Variants in RTN4IP1 observed in about 807,000 individuals in gnomAD.
RTN4IP1 encodes the protein NAD(P)H oxidoreductase RTN4IP1, mitochondrial.
In RTN4IP1, 32 loss-of-function variants were observed where a neutral mutation model predicts 46.6. The ratio of observed to expected loss-of-function variants is 0.69; its 90% CI spans 0.52 to 0.92. The LOEUF (loss-of-function observed/expected upper bound fraction) is 0.92. Ranked by LOEUF, RTN4IP1 falls within the 40% of genes least tolerant of loss-of-function variation. RTN4IP1 has a pLI of 0.00. For missense variants in RTN4IP1, 424 were observed against 485.8 expected (o/e 0.87, Z 1.20); for synonymous variants, 167 against 161.8 (o/e 1.03, Z -0.24).
chr6:106,626,666 C>T (rs1241326947), intron 1 of RTN4IP1, among the ~76,000 whole-genome samples: 1 of 152,152 alleles, frequency 6.6e-6, no homozygotes, highest in Non-Finnish European at 1.5e-5. Context: ...GCCCCTGAAC[C>T]CAGAATGTAG....
At chr6:106,599,502 C>T (rs72945026) in intron 5 of RTN4IP1, among the ~76,000 whole-genome samples, 10,931 of 150,966 alleles carry the variant, frequency 0.072, 599 homozygotes, top group East Asian at 0.2. Flanking sequence ...CCTTAAACAC[C>T]ACTGCTTAGT....
At chr6:106,627,103 T>C (rs548109796) in intron 1 of RTN4IP1, among the ~76,000 whole-genome samples, 1 of 149,684 alleles carries the variant, frequency 6.7e-6, no homozygotes, top group African/African-American at 2.5e-5. Flanking sequence ...GTTTCAGATA[T>C]CTTCTGCAAT....
At chr6:106,575,493 C>T (rs1412764624) in intron 8 of RTN4IP1, among the ~76,000 whole-genome samples, 1 of 151,836 alleles carries the variant, frequency 6.6e-6, no homozygotes, top group Non-Finnish European at 1.5e-5. Flanking sequence ...TTACAAGACG[C>T]TAGGCAAGTC....
intron 5 of RTN4IP1, among the ~76,000 whole-genome samples, chr6:106,592,652 G>A (rs542178836): frequency 1.2e-4 from 18 of 152,262 alleles, no homozygotes; most frequent in African/African-American, 3.9e-4. Context: ...TGCCAAGTGC[G>A]GTGGCTCACG....
chr6:106,621,355 C>A, intron 3 of RTN4IP1, 70 bp downstream of exon 3: 1 of 1,137,104 alleles, frequency 8.8e-7, no homozygotes, highest in South Asian at 1.2e-5. Context: ...TGAAAAACAC[C>A]AGTTATTTCA....
At chr6:106,605,814 CCCA>C (rs1562146197) in intron 4 of RTN4IP1, among the ~76,000 whole-genome samples, 2 of 96,738 alleles carry the variant, frequency 2.1e-5, no homozygotes, top group African/African-American at 8.5e-5. Flanking sequence ...AAGACTCTGT[CCCA>C]AAAAAAAAAA....
At chr6:106,594,165 C>T (rs1219653982) in intron 5 of RTN4IP1, among the ~76,000 whole-genome samples, 1 of 152,018 alleles carries the variant, frequency 6.6e-6, no homozygotes, top group African/African-American at 2.4e-5. Flanking sequence ...GTTTTAAAAA[C>T]AGTTTTACTT....
At chr6:106,576,778 C>T (rs1562129310) in intron 8 of RTN4IP1, among the ~76,000 whole-genome samples, 1 of 152,198 alleles carries the variant, frequency 6.6e-6, no homozygotes, top group Non-Finnish European at 1.5e-5. Context: ...TTCAAGTGCT[C>T]AGTGGCTTAG....
intron 4 of RTN4IP1, among the ~76,000 whole-genome samples, chr6:106,610,146 C>G (rs1776189117): frequency 6.6e-6 from 1 of 152,142 alleles, no homozygotes; most frequent in East Asian, 1.9e-4. Context: ...ACTGCAACCT[C>G]CGCCTCCCGT....
chr6:106,571,985 T>G lies in RTN4IP1; in HGVS notation c.*11A>C. 2 of 1,599,616 alleles carry G rather than the reference T, an allele frequency of 1.3e-6. 1 individual carries two copies. Among genetic ancestry groups the G allele is most frequent in the Middle Eastern group, 3.3e-4 (2 of 6,030 alleles). ...ATAAGAACGTCAACAATCACTAAAC[T>G]GCATTTTTATTTAAACAACATTAAT... On this transcript the variant is annotated 3_prime_UTR_variant, in exon 9 of 9. Coordinates refer to ENST00000369063, the MANE Select transcript of RTN4IP1 (RefSeq NM_032730.5).
At chr6:106,591,635 A>G (rs1488612449) in intron 6 of RTN4IP1, among the ~76,000 whole-genome samples, 1 of 152,110 alleles carries the variant, frequency 6.6e-6, no homozygotes, top group Non-Finnish European at 1.5e-5. Context: ...CAGAATCAAC[A>G]TGACCCAAGA....
At chr6:106,589,315 GGAAGAGGAA>G (rs1355083447) in intron 6 of RTN4IP1, among the ~76,000 whole-genome samples, 3 of 142,036 alleles carry the variant, frequency 2.1e-5, no homozygotes, top group Non-Finnish European at 4.6e-5. Flanking sequence ...AGGAGGAGGA[GGAAGAGGAA>G]GAAGAGGAAG....
rs549375800 is a variant in RTN4IP1, at chr6:106,608,127, C to A, written c.621-5205G>T. On this transcript the variant is annotated intron_variant, in intron 4 of 8. Transcript: ENST00000369063. The stretch of plus-strand genomic sequence containing the variant: ...AGGTAAAGAAAATGTGGTATGTATA[C>A]ACAAGGTAATACTATTCAGCCATAA... Among the ~76,000 whole-genome samples the A allele has an allele frequency of 4.6e-5, 7 of 152,276 alleles. No individual in the cohort carries two copies. The South Asian group carries it at 1.5e-3, about 32-fold the overall frequency.
chr6:106,594,319 G>T (rs921604815), intron 5 of RTN4IP1, among the ~76,000 whole-genome samples: 2 of 152,012 alleles, frequency 1.3e-5, no homozygotes, highest in African/African-American at 4.8e-5. Flanking sequence ...ACCTGCCTAG[G>T]CAACGTAGTG....
upstream of RTN4IP1, chr6:106,629,702 A>C (rs142692484): frequency 6.3e-5 from 101 of 1,606,326 alleles, no homozygotes; most frequent in Non-Finnish European, 8.2e-5. Flanking sequence ...GGAGCCTCCG[A>C]GAAGTGAGTG....
At chr6:106,624,818 C>A (rs2114684635) in intron 1 of RTN4IP1, among the ~76,000 whole-genome samples, 1 of 150,626 alleles carries the variant, frequency 6.6e-6, no homozygotes, top group South Asian at 2.1e-4. Context: ...TGCCTGTAAT[C>A]CCAGCTACTC....
intron 4 of RTN4IP1, chr6:106,607,827 A>C (rs1582377440): frequency 9.0e-6 from 1 of 111,482 alleles, no homozygotes; most frequent in African/African-American, 3.9e-5. Flanking sequence ...GAAAAAAGAC[A>C]AAAAAAAATA....
chr6:106,616,305 A>T (rs1448910122), intron 4 of RTN4IP1, among the ~76,000 whole-genome samples: 1 of 152,230 alleles, frequency 6.6e-6, no homozygotes, highest in African/African-American at 2.4e-5. Flanking sequence ...TGGTTCACTG[A>T]TACTCAGCTG....
intron 5 of RTN4IP1, among the ~76,000 whole-genome samples, chr6:106,602,342 T>C (rs1775968055): frequency 1.3e-5 from 2 of 152,186 alleles, no homozygotes; most frequent in Non-Finnish European, 2.9e-5. Context: ...CAGGGGAGTA[T>C]TGCCATCTTA....
Sources: gnomAD v4.1 joint callset for allele counts (sites outside exome capture counted in the v4.1 genomes callset) on GRCh38, gnomAD v4.1.1 for gene constraint, MANE v1.5 for transcripts, NCBI Gene and HGNC (gene_info 2026-07-23, HGNC 2026-07-21) for gene names.